Variants in ROCK1 observed in about 807,000 individuals in gnomAD.
ROCK1 encodes rho-associated protein kinase 1.
A neutral mutation model predicts 196.8 loss-of-function variants in ROCK1; 36 were observed. The observed-to-expected ratio is 0.18, with a 90% CI of 0.14 to 0.24. The LOEUF is 0.24. Among genes scored for constraint, ROCK1 ranks in the 10% least tolerant of loss-of-function variants. The pLI, the probability that ROCK1 is intolerant of heterozygous loss-of-function variation, is 1.00. For synonymous variants in ROCK1, 443 were observed against 515.9 expected (o/e 0.86, Z 1.91); for missense variants, 920 against 1,562.0 (o/e 0.59, Z 6.93).
chr18:20,987,018 C>T lies in ROCK1; in HGVS notation c.2236G>A (p.Val746Ile), dbSNP rs2035584126. ...TTCTGCTGAGATTGCTTCAGATCAA[C>T]GTCTAGCATGGAACACTGTTTCTCA... ...QIEKQCSMLD[V>I]DLKQSQQKLE... Residue 746 changes from valine (V) to isoleucine (I), a missense_variant, in exon 19 of 33, where the codon GTT (valine) becomes ATT (isoleucine). This residue lies in a region of ROCK1 where 520 missense variants were observed against 657.1 expected (regional missense o/e 0.79). Transcript: ENST00000399799. 2 of 1,611,978 alleles carry T rather than the reference C, an allele frequency of 1.2e-6. No individual in the cohort carries two copies. Among genetic ancestry groups the T allele is most frequent in the Non-Finnish European group, 1.7e-6 (2 of 1,179,382 alleles).
At chr18:21,078,092 G>T (rs8090829) in intron 1 of ROCK1, among the ~76,000 whole-genome samples, 24,120 of 152,110 alleles carry the variant, frequency 0.16, 3,880 homozygotes, top group African/African-American at 0.41. Context: ...ACTTTGGGAG[G>T]CCAAGGCAGG....
At chr18:20,963,243 C>T (rs576778977) in intron 27 of ROCK1, among the ~76,000 whole-genome samples, 12 of 151,920 alleles carry the variant, frequency 7.9e-5, no homozygotes, top group Non-Finnish European at 1.8e-4. Flanking sequence ...TTTCTTTACC[C>T]AAATAAGAGA....
intron 29 of ROCK1, among the ~76,000 whole-genome samples, chr18:20,957,056 T>C (rs2035249256): frequency 6.6e-6 from 1 of 152,164 alleles, no homozygotes; most frequent in Non-Finnish European, 1.5e-5. Flanking sequence ...ACTCATACTG[T>C]TGGTGAATAT....
At chr18:21,070,890 A>G (rs1367468805) in intron 1 of ROCK1, among the ~76,000 whole-genome samples, 1 of 152,186 alleles carries the variant, frequency 6.6e-6, no homozygotes, top group African/African-American at 2.4e-5. Context: ...TCCCCTCATA[A>G]GGACATGAAA....
intron 1 of ROCK1, among the ~76,000 whole-genome samples, chr18:21,105,259 T>C (rs544079253): frequency 6.6e-6 from 1 of 152,316 alleles, no homozygotes. Context: ...AATCCAAGTT[T>C]AGGCCCTATA....
At chr18:20,991,028 G>A in intron 18 of ROCK1, 148 bp downstream of exon 18, 1 of 570,718 alleles carries the variant, frequency 1.8e-6, no homozygotes, top group Non-Finnish European at 2.9e-6. Flanking sequence ...CCAAAGTGAT[G>A]GGATTACAGG....
intron 14 of ROCK1, 26 bp downstream of exon 14, chr18:21,008,033 A>G (rs2035783210): frequency 1.3e-6 from 2 of 1,556,164 alleles, no homozygotes; most frequent in Non-Finnish European, 1.7e-6. Flanking sequence ...AAATTCTATC[A>G]TTTTTCAAAA....
At position 21,073,233 on chromosome 18, in the gene ROCK1, G is replaced by C. The variant is rs1430787571; in HGVS notation, c.94-2620C>G. Among the ~76,000 whole-genome samples, 3 of 152,202 alleles carry C rather than the reference G, an allele frequency of 2.0e-5. No homozygotes were observed. The East Asian group carries it at 5.8e-4, about 29-fold the overall frequency. On this transcript the variant is annotated intron_variant, in intron 1 of 32. Coordinates refer to ENST00000399799, the MANE Select transcript of ROCK1 (RefSeq NM_005406.3). Reference sequence around the variant, plus strand: ...AGCAGTTACATTTTAAAAGAAGGTAGTTACATAAGAGAAGTATTTTCACAT... The same window carrying C: ...AGCAGTTACATTTTAAAAGAAGGTACTTACATAAGAGAAGTATTTTCACAT...
chr18:21,014,926 T>C (rs762096915), intron 13 of ROCK1, among the ~76,000 whole-genome samples: 4 of 152,160 alleles, frequency 2.6e-5, no homozygotes, highest in Non-Finnish European at 4.4e-5. Context: ...CAAACAAACA[T>C]CTGAATTATG....
chr18:21,091,959 A>C (rs902874246), intron 1 of ROCK1, among the ~76,000 whole-genome samples: 10 of 152,152 alleles, frequency 6.6e-5, no homozygotes, highest in African/African-American at 2.4e-4. Flanking sequence ...CAGCCTGGGC[A>C]ACAGAGCGAG....
chr18:21,085,047 A>C, intron 1 of ROCK1, among the ~76,000 whole-genome samples: 1 of 152,260 alleles, frequency 6.6e-6, no homozygotes, highest in Non-Finnish European at 1.5e-5. Flanking sequence ...TAGAAATGGC[A>C]AATTTACAGA....
At chr18:20,975,130 A>G (rs1186615406) in intron 22 of ROCK1, among the ~76,000 whole-genome samples, 1 of 152,224 alleles carries the variant, frequency 6.6e-6, no homozygotes, top group Non-Finnish European at 1.5e-5. Flanking sequence ...CAATAAATAC[A>G]ACAGGTAAGA....
chr18:21,031,604 C>CAAAA (rs781463990), intron 9 of ROCK1, among the ~76,000 whole-genome samples: 31 of 51,846 alleles, frequency 6.0e-4, no homozygotes, highest in African/African-American at 1.0e-3. Context: ...GACTCCATCT[C>CAAAA]AAAAAAAAAA....
At chr18:20,952,307 G>A (rs1266759971) in intron 32 of ROCK1, among the ~76,000 whole-genome samples, 8 of 152,150 alleles carry the variant, frequency 5.3e-5, no homozygotes, top group Admixed American at 5.2e-4. Context: ...GCTTGAACCT[G>A]GGAGGCAGAG....
chr18:20,971,356 AATTC>A (rs2035426530), intron 22 of ROCK1, among the ~76,000 whole-genome samples: 2 of 151,764 alleles, frequency 1.3e-5, no homozygotes, highest in South Asian at 4.2e-4. Context: ...ACACACAGAA[AATTC>A]ATTAATTCAC....
At chr18:20,965,412 C>T (rs1383227580) in intron 27 of ROCK1, among the ~76,000 whole-genome samples, 2 of 145,098 alleles carry the variant, frequency 1.4e-5, no homozygotes, top group Non-Finnish European at 1.5e-5. Context: ...TATATACATA[C>T]ATACATACAT....
chr18:21,079,987 G>C (rs757827487), intron 1 of ROCK1, among the ~76,000 whole-genome samples: 2 of 152,088 alleles, frequency 1.3e-5, no homozygotes, highest in African/African-American at 2.4e-5. Context: ...ACACTCCAGG[G>C]GAGTGCATGT....
intron 18 of ROCK1, among the ~76,000 whole-genome samples, chr18:20,988,125 G>C (rs1345166736): frequency 6.6e-6 from 1 of 151,818 alleles, no homozygotes; most frequent in East Asian, 1.9e-4. Flanking sequence ...GAATACAGTG[G>C]TGCAATCTCG....
intron 2 of ROCK1, among the ~76,000 whole-genome samples, chr18:21,053,027 C>G (rs1288474340): frequency 2.6e-5 from 4 of 152,208 alleles, no homozygotes; most frequent in Admixed American, 6.5e-5. Context: ...AAACTCTGCA[C>G]TGATTCCTCA....
Sources: allele counts gnomAD v4.1 joint callset (sites outside exome capture counted in the v4.1 genomes callset), GRCh38; gene constraint gnomAD v4.1.1; regional missense constraint gnomAD v4.1.1; transcripts MANE v1.5; gene names NCBI Gene and HGNC (gene_info 2026-07-23, HGNC 2026-07-21).